MAP2: variants seen among roughly 807,000 people sequenced by gnomAD.
MAP2 encodes the protein microtubule associated protein 2.
MAP2 carries 14 observed loss-of-function variants against 137.6 expected under a neutral mutation model. The observed-to-expected ratio is 0.10, with a 90% CI of 0.07 to 0.16. The LOEUF (loss-of-function observed/expected upper bound fraction) is 0.16, where lower values mean the gene tolerates loss of function less well. MAP2 is among the 10% of genes least tolerant of loss of function. The probability of loss-of-function intolerance (pLI) is 1.00; values close to 1 mark genes in which losing one functional copy is unlikely to be tolerated. For synonymous variants in MAP2, 786 were observed against 782.3 expected, an observed-to-expected ratio of 1.00 and a Z score of -0.08; for missense variants, 2,088 against 2,191.5, an observed-to-expected ratio of 0.95 and a Z score of 0.94.
chr2:209,588,011 C>T (rs2153423226), intron 3 of MAP2, among the ~76,000 whole-genome samples: 1 of 152,258 alleles, frequency 6.6e-6, no homozygotes, highest in East Asian at 1.9e-4. Flanking sequence ...AGGAGAGAAG[C>T]CATGTTAACA....
intron 1 of MAP2, among the ~76,000 whole-genome samples, chr2:209,443,381 A>C (rs968064430): frequency 1.3e-5 from 2 of 151,652 alleles, no homozygotes; most frequent in African/African-American, 4.8e-5. Context: ...CTATGTACTG[A>C]ATAATTATTT....
At chr2:209,573,586 G>T (rs1285301974) in intron 2 of MAP2, among the ~76,000 whole-genome samples, 1 of 152,096 alleles carries the variant, frequency 6.6e-6, no homozygotes, top group Non-Finnish European at 1.5e-5. Flanking sequence ...GAGCCGCTGT[G>T]CCCAGCCCCT....
chr2:209,520,958 C>T (rs2063189887), intron 2 of MAP2, among the ~76,000 whole-genome samples: 1 of 152,028 alleles, frequency 6.6e-6, no homozygotes, highest in Non-Finnish European at 1.5e-5. Flanking sequence ...TGGTTGGTCT[C>T]CCCATGTTGG....
chr2:209,658,667 TG>T (rs1418894474), intron 5 of MAP2, among the ~76,000 whole-genome samples: 1 of 151,950 alleles, frequency 6.6e-6, no homozygotes, highest in Admixed American at 6.6e-5. Flanking sequence ...CCACCAGGCC[TG>T]GCTAATTTTT....
At chr2:209,723,702 C>CT (rs779776132) in intron 13 of MAP2, 28 of 1,600,522 alleles carry the variant, frequency 1.7e-5, no homozygotes, top group Non-Finnish European at 2.4e-5. Context: ...GTAGAAGCGC[C>CT]TTTTAGAAAG....
intron 5 of MAP2, among the ~76,000 whole-genome samples, chr2:209,671,332 T>C (rs571729520): frequency 1.3e-5 from 2 of 152,060 alleles, no homozygotes; most frequent in South Asian, 4.1e-4. Flanking sequence ...TTACAGGAAA[T>C]AGTTTCAGAG....
chr2:209,574,368 C>T (rs997194483), intron 2 of MAP2, among the ~76,000 whole-genome samples: 4 of 151,918 alleles, frequency 2.6e-5, no homozygotes, highest in South Asian at 2.1e-4. Flanking sequence ...TAATGTCCTC[C>T]GGGCTAATCT....
rs2059608816 is a variant in MAP2 at position 209,694,086 on chromosome 2, C to T, written c.1916C>T (p.Thr639Ile). 1 of 1,613,644 alleles carries T rather than the reference C, an allele frequency of 6.2e-7. No individual in the cohort carries two copies. Among genetic ancestry groups the T allele is most frequent in the South Asian group, 1.1e-5 (1 of 90,990 alleles). The change falls in exon 8 of 16, where the codon ACT becomes ATT. Residue 639 changes from threonine (T) to isoleucine (I), a missense_variant. Physicochemically the swap from Thr to Ile is moderately conservative, Grantham distance 89. This residue lies in a region of MAP2 where 859 missense variants were observed against 794.5 expected (regional missense o/e 1.08). Coordinates refer to ENST00000682079, the MANE Select transcript of MAP2 (RefSeq NM_001375505.1). ...CCAGCACAAGAAGCAGGGTACAGCACTCTCGCACAGAGTTATCCATCAGAT... is the reference window on the plus strand; with the variant it reads ...CCAGCACAAGAAGCAGGGTACAGCATTCTCGCACAGAGTTATCCATCAGAT... Reference protein sequence around the residue: ...SPPAQEAGYSTLAQSYPSDLP... With the variant: ...SPPAQEAGYSILAQSYPSDLP...
intron 3 of MAP2, among the ~76,000 whole-genome samples, chr2:209,598,285 A>G (rs796503055): frequency 1.3e-5 from 2 of 152,140 alleles, no homozygotes; most frequent in East Asian, 3.9e-4. Context: ...TATTACAGGC[A>G]TGAGCCACCG....
At chr2:209,483,754 T>C (rs2058017649) in intron 1 of MAP2, among the ~76,000 whole-genome samples, 1 of 152,172 alleles carries the variant, frequency 6.6e-6, no homozygotes, top group East Asian at 1.9e-4. Flanking sequence ...AGAGTTTGTG[T>C]TAGTTTTTGG....
chr2:209,562,867 A>G (rs1455596653), intron 2 of MAP2, among the ~76,000 whole-genome samples: 1 of 152,152 alleles, frequency 6.6e-6, no homozygotes, highest in Non-Finnish European at 1.5e-5. Context: ...GTTTTTAAAA[A>G]TTGGGGGTCA....
intron 2 of MAP2, among the ~76,000 whole-genome samples, chr2:209,554,723 C>A (rs1375825282): frequency 6.6e-6 from 1 of 151,666 alleles, no homozygotes; most frequent in East Asian, 1.9e-4. Flanking sequence ...CCACTGCACA[C>A]CAGCCTAGGC....
chr2:209,720,269 A>G (rs1018945711), intron 13 of MAP2, among the ~76,000 whole-genome samples: 10 of 152,202 alleles, frequency 6.6e-5, no homozygotes, highest in South Asian at 4.1e-4. Context: ...CACTTCTACT[A>G]TGAATTATGT....
intron 11 of MAP2, among the ~76,000 whole-genome samples, chr2:209,702,263 T>C (rs2061977878): frequency 6.6e-6 from 1 of 152,044 alleles, no homozygotes; most frequent in Non-Finnish European, 1.5e-5. Context: ...CAAAACAACC[T>C]TTTTTCCTTG....
chr2:209,632,489 T>C (rs1297156989), intron 4 of MAP2, among the ~76,000 whole-genome samples: 2 of 152,144 alleles, frequency 1.3e-5, no homozygotes, highest in African/African-American at 4.8e-5. Flanking sequence ...GTGTCATACT[T>C]CGTGCTTAAT....
chr2:209,629,982 C>A (rs544601848), intron 4 of MAP2, among the ~76,000 whole-genome samples: 1 of 152,276 alleles, frequency 6.6e-6, no homozygotes, highest in Non-Finnish European at 1.5e-5. Flanking sequence ...TAGGAGGGTG[C>A]TGTTATTAAG....
At chr2:209,587,834 G>T (rs570880829) in intron 3 of MAP2, among the ~76,000 whole-genome samples, 2 of 152,258 alleles carry the variant, frequency 1.3e-5, no homozygotes, top group African/African-American at 4.8e-5. Context: ...TCCAGACCTT[G>T]TTATCATTTT....
At chr2:209,496,338 C>T (rs536834227) in intron 1 of MAP2, among the ~76,000 whole-genome samples, 13 of 152,090 alleles carry the variant, frequency 8.5e-5, no homozygotes, top group Admixed American at 1.3e-4. Flanking sequence ...TACACATAGC[C>T]AGCACTCTAT....
intron 1 of MAP2, among the ~76,000 whole-genome samples, chr2:209,465,021 G>A (rs577306179): frequency 2.6e-5 from 4 of 152,044 alleles, no homozygotes; most frequent in African/African-American, 9.6e-5. Flanking sequence ...AATGCTGCAC[G>A]CATCATATCA....
Sources: gnomAD v4.1 joint callset for allele counts (sites outside exome capture counted in the v4.1 genomes callset) on GRCh38, gnomAD v4.1.1 for gene constraint, gnomAD v4.1.1 regional missense constraint, MANE v1.5 for transcripts, NCBI Gene and HGNC (gene_info 2026-07-23, HGNC 2026-07-21) for gene names.